Variants in KIAA1549 observed in about 807,000 individuals in gnomAD.
The protein encoded by KIAA1549 is UPF0606 protein KIAA1549.
A neutral mutation model predicts 156.4 loss-of-function variants in KIAA1549; 70 were observed. The ratio of observed to expected loss-of-function variants is 0.45; its 90% CI spans 0.37 to 0.55. KIAA1549 has a LOEUF of 0.55. Among genes scored for constraint, KIAA1549 ranks in the 20% least tolerant of loss-of-function variants. KIAA1549 has a pLI of 0.00. For missense variants in KIAA1549, 2,428 were observed against 2,540.9 expected (o/e 0.96, Z 0.96); for synonymous variants, 1,103 against 1,066.4 (o/e 1.03, Z -0.67).
chr7:138,937,199 G>A (rs368296570), intron 1 of KIAA1549, among the ~76,000 whole-genome samples: 2,426 of 134,616 alleles, frequency 0.018, 68 homozygotes, highest in African/African-American at 0.075. Flanking sequence ...CCTCCTTCCC[G>A]TAACTATCAC....
At chr7:138,885,515 GCTTT>G (rs1244411431) in intron 10 of KIAA1549, among the ~76,000 whole-genome samples, 2 of 152,086 alleles carry the variant, frequency 1.3e-5, no homozygotes, top group Admixed American at 6.5e-5. Flanking sequence ...AATAAATCTG[GCTTT>G]CTTTACCTGC....
At chr7:138,932,504 G>A (rs1812900404) in intron 1 of KIAA1549, among the ~76,000 whole-genome samples, 1 of 152,236 alleles carries the variant, frequency 6.6e-6, no homozygotes, top group Non-Finnish European at 1.5e-5. Flanking sequence ...AGCAAATGCA[G>A]TGAGAAGCCA....
chr7:138,872,468 G>A lies in KIAA1549; in HGVS notation c.4346-1106C>T, dbSNP rs1281688787. ...CACATGATGGGTGATTTTTCCCCATGTCTTTTATTTTTGATAATGAGGATT... is the reference window on the plus strand; with the variant it reads ...CACATGATGGGTGATTTTTCCCCATATCTTTTATTTTTGATAATGAGGATT... On this transcript the variant is annotated intron_variant, in intron 12 of 19. Transcript: ENST00000422774. Among the ~76,000 whole-genome samples, 6 of 151,672 alleles carry A rather than the reference G, an allele frequency of 4.0e-5. No individual in the cohort carries two copies. The East Asian group carries it at 1.2e-3, about 29-fold the overall frequency.
At chr7:138,864,942 A>G (rs1005495174) in intron 15 of KIAA1549, among the ~76,000 whole-genome samples, 2 of 152,180 alleles carry the variant, frequency 1.3e-5, no homozygotes, top group Admixed American at 6.5e-5. Flanking sequence ...ATAAAACTCT[A>G]TTTAGGCCAG....
At position 138,905,090 on chromosome 7, in the gene KIAA1549, G is replaced by A. The variant is rs1157727121; in HGVS notation, c.3461-9C>T. On this transcript the variant is annotated splice_polypyrimidine_tract_variant and intron_variant, in intron 6 of 19. Transcript: ENST00000422774. The stretch of plus-strand genomic sequence containing the variant: ...CTGTGGATACTGGAAGGCTACAAAA[G>A]GGAAAGAATTAGGGAAGGAGAAAAA... 3.2e-6 allele frequency: 5 copies of A among 1,560,260 alleles called. No individual in the cohort carries two copies. The highest frequency in any genetic ancestry group is 2.3e-5 in the East Asian group (1 of 42,684).
Position 138,834,982 on chromosome 7 carries a change from A to C in KIAA1549, c.*2924T>G, listed in dbSNP as rs1809664346. The C allele has an allele frequency of 4.4e-6, 1 of 229,390 alleles. No individual in the cohort carries two copies. Among genetic ancestry groups the C allele is most frequent in the Non-Finnish European group, 8.6e-6 (1 of 115,726 alleles). 14.2% of individuals were successfully genotyped at this position (229,390 alleles called of 1,614,324 possible). On this transcript the variant is annotated 3_prime_UTR_variant, in exon 20 of 20. Coordinates refer to ENST00000422774, the MANE Select transcript of KIAA1549 (RefSeq NM_001164665.2). The stretch of plus-strand genomic sequence containing the variant: ...GACAAAGTAGTCTCTGAAAAAAAAA[A>C]AAACAACATTTCTCCAAACATTCTG...
At chr7:138,849,360 T>C (rs1218252607) in intron 17 of KIAA1549, among the ~76,000 whole-genome samples, 1 of 152,118 alleles carries the variant, frequency 6.6e-6, no homozygotes, top group East Asian at 1.9e-4. Flanking sequence ...TTCAGCCACT[T>C]TGCTTTCCAA....
chr7:138,905,245 T>A (rs952151270), intron 6 of KIAA1549, among the ~76,000 whole-genome samples, 164 bp from the exon 7 acceptor site: 2 of 152,204 alleles, frequency 1.3e-5, no homozygotes, highest in African/African-American at 4.8e-5. Flanking sequence ...TCTGAACACA[T>A]TAGTCTCAAG....
intron 18 of KIAA1549, among the ~76,000 whole-genome samples, chr7:138,843,698 G>A (rs1346938796): frequency 6.6e-6 from 1 of 152,112 alleles, no homozygotes; most frequent in Non-Finnish European, 1.5e-5. Flanking sequence ...CATGTAGGGA[G>A]GTTCAAATAC....
At position 138,930,913 on chromosome 7, in the gene KIAA1549, C is replaced by T. The variant is rs886428134; in HGVS notation, c.188-11475G>A. Among the ~76,000 whole-genome samples the T allele has an allele frequency of 5.9e-5, 9 of 152,258 alleles. No homozygotes were observed. The East Asian group carries it at 7.7e-4, about 13-fold the overall frequency. On this transcript the variant is annotated intron_variant, in intron 1 of 19. Transcript: ENST00000422774. ...CTTGGCTTTTGATGTGTCTTCCTCA[C>T]GTAATCATTTCTAGCTTTTGACTGC...
At chr7:138,867,427 T>A (rs1461925478) in intron 15 of KIAA1549, among the ~76,000 whole-genome samples, 1 of 151,948 alleles carries the variant, frequency 6.6e-6, no homozygotes, top group Non-Finnish European at 1.5e-5. Flanking sequence ...TGGTGGCATA[T>A]GCCTATGGTC....
intron 1 of KIAA1549, among the ~76,000 whole-genome samples, chr7:138,928,610 T>C (rs372464209): frequency 1.3e-5 from 2 of 152,232 alleles, no homozygotes; most frequent in East Asian, 1.9e-4. Context: ...GATGTATAAA[T>C]ACACCTTTGT....
intron 1 of KIAA1549, among the ~76,000 whole-genome samples, chr7:138,966,386 G>C (rs1814025372): frequency 6.6e-6 from 1 of 151,852 alleles, no homozygotes; most frequent in Non-Finnish European, 1.5e-5. Context: ...AGAACTAATA[G>C]GATAGCTATA....
At chr7:138,944,075 G>C (rs1424878220) in intron 1 of KIAA1549, among the ~76,000 whole-genome samples, 1 of 133,370 alleles carries the variant, frequency 7.5e-6, no homozygotes, top group Non-Finnish European at 1.5e-5. Flanking sequence ...GCCTCTCTTA[G>C]CATTTTTTTT....
chr7:138,977,339 T>C (rs1429997074), intron 1 of KIAA1549, among the ~76,000 whole-genome samples: 1 of 152,014 alleles, frequency 6.6e-6, no homozygotes, highest in Admixed American at 6.6e-5. Flanking sequence ...AAATAAAAAA[T>C]ATTCAATTCT....
intron 10 of KIAA1549, 81 bp from the exon 11 acceptor site, chr7:138,881,665 C>T: frequency 8.0e-7 from 1 of 1,244,630 alleles, no homozygotes. Flanking sequence ...TGACCCAAGA[C>T]TGTGCTGGCA....
intron 17 of KIAA1549, among the ~76,000 whole-genome samples, chr7:138,851,608 A>G (rs1490510806): frequency 6.6e-6 from 1 of 151,888 alleles, no homozygotes; most frequent in Non-Finnish European, 1.5e-5. Flanking sequence ...TAGCAATAAT[A>G]TAAGGCCAAG....
chr7:138,870,705 G>A (rs1413788315), intron 13 of KIAA1549, among the ~76,000 whole-genome samples: 8 of 152,210 alleles, frequency 5.3e-5, no homozygotes, highest in South Asian at 2.1e-4. Context: ...TCCAACAAGC[G>A]TGATGTTTTA....
intron 1 of KIAA1549, among the ~76,000 whole-genome samples, chr7:138,954,851 A>T (rs1396131286): frequency 6.6e-6 from 1 of 152,176 alleles, no homozygotes; most frequent in Non-Finnish European, 1.5e-5. Context: ...AAGAGAAGGC[A>T]GGGAAAGAAA....
Sources: allele counts gnomAD v4.1 joint callset (sites outside exome capture counted in the v4.1 genomes callset), GRCh38; gene constraint gnomAD v4.1.1; transcripts MANE v1.5; gene names NCBI Gene and HGNC (gene_info 2026-07-23, HGNC 2026-07-21).